The following NIPAL2 variants were observed in gnomAD, a reference collection of about 807,000 sequenced individuals.
NIPAL2 encodes NIPA like domain containing 2.
Under a neutral mutation model 48.9 loss-of-function variants are expected in NIPAL2, and 43 were observed. That is an observed-to-expected ratio of 0.88 (90% CI 0.69 to 1.13). The LOEUF (loss-of-function observed/expected upper bound fraction) is 1.13. Among genes scored for constraint, NIPAL2 ranks in the 50% most tolerant of loss-of-function variants. The pLI, the probability that NIPAL2 is intolerant of heterozygous loss-of-function variation, is 0.00. For synonymous variants in NIPAL2, 167 were observed against 174.6 expected (o/e 0.96, Z 0.34); for missense variants, 446 against 461.4 (o/e 0.97, Z 0.31).
At chr8:98,289,893 G>T (rs758353344) in intron 1 of NIPAL2, among the ~76,000 whole-genome samples, 1 of 152,206 alleles carries the variant, frequency 6.6e-6, no homozygotes, top group Non-Finnish European at 1.5e-5. Flanking sequence ...AAAAGAGATA[G>T]ATGGTAGCAA....
chr8:98,196,031 A>G, intron 8 of NIPAL2, 26 bp from the exon 9 acceptor site: 1 of 1,423,164 alleles, frequency 7.0e-7, no homozygotes, highest in South Asian at 1.3e-5. Context: ...AGAAGACAAA[A>G]TTGATTTTGA....
intron 5 of NIPAL2, chr8:98,217,026 G>T: frequency 6.1e-6 from 6 of 981,638 alleles, no homozygotes; most frequent in Non-Finnish European, 7.3e-6. Flanking sequence ...ATGTTATGCA[G>T]AATCTTTCTC....
At chr8:98,232,781 G>A (rs1189995954) in intron 4 of NIPAL2, among the ~76,000 whole-genome samples, 4 of 152,120 alleles carry the variant, frequency 2.6e-5, no homozygotes, top group East Asian at 3.8e-4. Flanking sequence ...GATTGCCATT[G>A]TTAGGATACT....
intron 5 of NIPAL2, among the ~76,000 whole-genome samples, chr8:98,213,886 G>T (rs1476625723): frequency 1.3e-5 from 2 of 152,076 alleles, no homozygotes; most frequent in Admixed American, 1.3e-4. Flanking sequence ...TGTGTTTCTT[G>T]TCTGTCTTCC....
intron 3 of NIPAL2, among the ~76,000 whole-genome samples, chr8:98,238,608 CT>C (rs113252932): frequency 1.6e-3 from 232 of 143,296 alleles, no homozygotes; most frequent in African/African-American, 3.7e-3. Context: ...TATTTGTTTC[CT>C]TTTTTTTTTT....
chr8:98,250,540 A>C (rs1355037291), intron 3 of NIPAL2, among the ~76,000 whole-genome samples: 4 of 152,220 alleles, frequency 2.6e-5, no homozygotes, highest in Non-Finnish European at 4.4e-5. Context: ...GTGTGCAAAG[A>C]TTGTAAAGTA....
At chr8:98,228,006 G>A (rs4454250) in intron 4 of NIPAL2, among the ~76,000 whole-genome samples, 3 of 152,232 alleles carry the variant, frequency 2.0e-5, no homozygotes, top group East Asian at 1.9e-4. Context: ...TGAGCTCTAC[G>A]CAGTGTTGGC....
chr8:98,236,851 CAAAAAAAA>C (rs34210829), intron 3 of NIPAL2, among the ~76,000 whole-genome samples: 51 of 66,902 alleles, frequency 7.6e-4, no homozygotes, highest in African/African-American at 2.2e-3. Flanking sequence ...GATCCTGTCT[CAAAAAAAA>C]AAAAAAAAAA....
intron 8 of NIPAL2, among the ~76,000 whole-genome samples, chr8:98,201,785 G>GGATA (rs1159270011): frequency 6.6e-6 from 1 of 151,926 alleles, no homozygotes; most frequent in Non-Finnish European, 1.5e-5. Context: ...AGATGTCATG[G>GGATA]GATAGAATAT....
At chr8:98,199,201 C>T (rs1810696326) in intron 8 of NIPAL2, among the ~76,000 whole-genome samples, 1 of 152,112 alleles carries the variant, frequency 6.6e-6, no homozygotes, top group South Asian at 2.1e-4. Context: ...GGTGATCCGC[C>T]CGCCTCAGCC....
At chr8:98,217,182 C>T (rs561405108) in intron 5 of NIPAL2, 12 of 985,308 alleles carry the variant, frequency 1.2e-5, no homozygotes, top group Non-Finnish European at 1.4e-5. Flanking sequence ...CTTCTCAAAT[C>T]TTCCTTCCTT....
chr8:98,280,761 T>TATATATATATATATATATATAGAG, intron 1 of NIPAL2, among the ~76,000 whole-genome samples: 17 of 30,016 alleles, frequency 5.7e-4, no homozygotes, highest in South Asian at 1.5e-3. Flanking sequence ...TATATATATA[T>TATATATATATATATATATATAGAG]AGAGAGAGAG....
intron 4 of NIPAL2, among the ~76,000 whole-genome samples, chr8:98,233,209 G>A (rs1812530118): frequency 6.6e-6 from 1 of 151,634 alleles, no homozygotes; most frequent in South Asian, 2.1e-4. Context: ...AGTAAGCTGA[G>A]ATCACGCTAC....
chr8:98,206,536 C>T (rs1459930458), intron 6 of NIPAL2, among the ~76,000 whole-genome samples: 1 of 151,906 alleles, frequency 6.6e-6, no homozygotes, highest in Non-Finnish European at 1.5e-5. Flanking sequence ...CCTGTAATCC[C>T]AGCACTTTGG....
intron 5 of NIPAL2, among the ~76,000 whole-genome samples, chr8:98,215,025 G>A (rs376935393): frequency 6.6e-5 from 10 of 152,306 alleles, no homozygotes; most frequent in South Asian, 2.1e-4. Flanking sequence ...TTTCTCGCAT[G>A]AGACAATTAT....
intron 10 of NIPAL2, among the ~76,000 whole-genome samples, chr8:98,193,732 G>C (rs189756738): frequency 1.3e-5 from 2 of 151,908 alleles, no homozygotes; most frequent in Non-Finnish European, 2.9e-5. Flanking sequence ...GAACCCGGGA[G>C]GGGGAGGCTG....
intron 8 of NIPAL2, among the ~76,000 whole-genome samples, chr8:98,197,483 TA>T (rs1295864075): frequency 6.6e-6 from 1 of 152,200 alleles, no homozygotes; most frequent in Non-Finnish European, 1.5e-5. Flanking sequence ...GATAAGACAA[TA>T]ATGAAGTTTG....
At chr8:98,284,437 C>CAT (rs1816041277) in intron 1 of NIPAL2, among the ~76,000 whole-genome samples, 1 of 148,358 alleles carries the variant, frequency 6.7e-6, no homozygotes, top group African/African-American at 2.6e-5. Flanking sequence ...CACACACACA[C>CAT]ACACATACAC....
chr8:98,238,016 A>G (rs2053933), intron 3 of NIPAL2, among the ~76,000 whole-genome samples: 9,117 of 152,290 alleles, frequency 0.06, 374 homozygotes, highest in Middle Eastern at 0.14. Flanking sequence ...ATGAAAGAGT[A>G]TGGGATCTCA....
Sources: gnomAD v4.1 joint callset for allele counts (sites outside exome capture counted in the v4.1 genomes callset) on GRCh38, gnomAD v4.1.1 for gene constraint, MANE v1.5 for transcripts, NCBI Gene and HGNC (gene_info 2026-07-23, HGNC 2026-07-21) for gene names.